The following CTNNA3 variants were observed in gnomAD, a reference collection of about 807,000 sequenced individuals.
The protein encoded by CTNNA3 is catenin alpha 3.
Under a neutral mutation model 95.7 loss-of-function variants are expected in CTNNA3, and 76 were observed. The observed-to-expected ratio is 0.79, with a 90% CI of 0.66 to 0.96. The LOEUF (loss-of-function observed/expected upper bound fraction) is 0.96. Among genes scored for constraint, CTNNA3 ranks in the 40% least tolerant of loss-of-function variants. The pLI, the probability that CTNNA3 is intolerant of heterozygous loss-of-function variation, is 0.00. For missense variants in CTNNA3, 1,191 were observed against 1,089.8 expected (o/e 1.09, Z -1.31); for synonymous variants, 431 against 374.4 (o/e 1.15, Z -1.74).
rs181862637 is a variant in CTNNA3 at position 66,572,009 on chromosome 10, A to C, written c.1374+49683T>G. The stretch of plus-strand genomic sequence containing the variant: ...GTCCATGTTCTTAACCACTATACAT[A>C]TTTGCCTCCAGAGATTCCAAAACTT... On this transcript the variant is annotated intron_variant, in intron 10 of 17. Transcript: ENST00000433211. Among the ~76,000 whole-genome samples the C allele has an allele frequency of 7.7e-3, 1,173 of 152,174 alleles. 22 individuals are homozygous for C. The highest frequency in any genetic ancestry group is 0.027 in the African/African-American group (1,137 of 41,524).
chr10:66,202,402 A>G (rs2131921913), intron 13 of CTNNA3, among the ~76,000 whole-genome samples: 1 of 152,270 alleles, frequency 6.6e-6, no homozygotes, highest in South Asian at 2.1e-4. Context: ...CCAAGGTACA[A>G]CCAATCTGGC....
chr10:66,370,292 A>G (rs1462281055), intron 12 of CTNNA3, among the ~76,000 whole-genome samples: 38 of 152,178 alleles, frequency 2.5e-4, no homozygotes. Context: ...CTGTCTTTGC[A>G]GCTACAGGCT....
At chr10:67,162,380 C>A (rs1428931251) in intron 7 of CTNNA3, among the ~76,000 whole-genome samples, 1 of 148,320 alleles carries the variant, frequency 6.7e-6, no homozygotes, top group Non-Finnish European at 1.5e-5. Context: ...TAGACCATAT[C>A]CTGGGCCATA....
chr10:67,293,106 G>A (rs1031061353), intron 5 of CTNNA3, among the ~76,000 whole-genome samples: 1 of 152,068 alleles, frequency 6.6e-6, no homozygotes, highest in African/African-American at 2.4e-5. Context: ...CTATTTCCTT[G>A]TTAATATCAG....
chr10:67,467,738 G>A (rs990358465), intron 5 of CTNNA3, among the ~76,000 whole-genome samples: 1 of 151,226 alleles, frequency 6.6e-6, no homozygotes, highest in Admixed American at 6.6e-5. Context: ...TTTGAGATGG[G>A]GCCTCACTGT....
At chr10:66,912,248 T>TA (rs1846254367) in intron 7 of CTNNA3, among the ~76,000 whole-genome samples, 1 of 152,116 alleles carries the variant, frequency 6.6e-6, no homozygotes. Context: ...ACCATACACA[T>TA]ATGTATCAAA....
chr10:67,731,260 C>T (rs1189319636), intron 1 of CTNNA3, among the ~76,000 whole-genome samples: 1 of 152,080 alleles, frequency 6.6e-6, no homozygotes, highest in African/African-American at 2.4e-5. Flanking sequence ...GCTCACACCT[C>T]TAATCCCAGC....
chr10:66,546,330 T>G (rs1191262737), intron 10 of CTNNA3, among the ~76,000 whole-genome samples: 1 of 152,176 alleles, frequency 6.6e-6, no homozygotes, highest in Non-Finnish European at 1.5e-5. Context: ...CATCATTTAC[T>G]GAAAAGAATA....
chr10:67,291,194 A>G (rs1332672220), intron 5 of CTNNA3, among the ~76,000 whole-genome samples: 1 of 152,180 alleles, frequency 6.6e-6, no homozygotes, highest in Non-Finnish European at 1.5e-5. Context: ...ATGAAATAAC[A>G]TATGTAAAAG....
chr10:67,750,222 ACT>A (rs1327997714), intron 1 of CTNNA3: 8 of 1,454,856 alleles, frequency 5.5e-6, no homozygotes, highest in Non-Finnish European at 7.7e-6. Context: ...GAAGGAACCA[ACT>A]CTGGACACAG....
chr10:66,763,739 A>G (rs544417131), intron 9 of CTNNA3, among the ~76,000 whole-genome samples: 2 of 152,190 alleles, frequency 1.3e-5, no homozygotes, highest in African/African-American at 4.8e-5. Flanking sequence ...GGGACTTCTC[A>G]TCTCAGAACC....
intron 5 of CTNNA3, among the ~76,000 whole-genome samples, chr10:67,521,299 C>CA (rs1839977439): frequency 6.6e-6 from 1 of 152,126 alleles, no homozygotes; most frequent in African/African-American, 2.4e-5. Context: ...TAGGGGCCTA[C>CA]AAAAGGAGGC....
At chr10:66,897,223 C>T (rs1845533281) in intron 7 of CTNNA3, among the ~76,000 whole-genome samples, 1 of 151,912 alleles carries the variant, frequency 6.6e-6, no homozygotes, top group Non-Finnish European at 1.5e-5. Context: ...ATACAGTATG[C>T]TACCTTTTAT....
chr10:67,748,658 T>C (rs563658233), intron 1 of CTNNA3, among the ~76,000 whole-genome samples: 71 of 152,270 alleles, frequency 4.7e-4, no homozygotes, highest in Non-Finnish European at 8.5e-4. Flanking sequence ...CACACTGAAG[T>C]GCAAAAACCA....
chr10:66,008,541 G>A (rs1023316827), intron 15 of CTNNA3, among the ~76,000 whole-genome samples: 2 of 151,956 alleles, frequency 1.3e-5, no homozygotes, highest in African/African-American at 4.8e-5. Context: ...GTTGCTTTGG[G>A]GCTTCTATTT....
At chr10:67,701,692 C>T (rs1016074475) in intron 1 of CTNNA3, among the ~76,000 whole-genome samples, 4 of 152,160 alleles carry the variant, frequency 2.6e-5, no homozygotes, top group Non-Finnish European at 4.4e-5. Context: ...TAAAGACCAT[C>T]GAGGCTAGGA....
chr10:66,180,514 T>C (rs987389341), intron 13 of CTNNA3, among the ~76,000 whole-genome samples: 5 of 152,094 alleles, frequency 3.3e-5, no homozygotes, highest in African/African-American at 7.2e-5. Flanking sequence ...GCAGAAAATA[T>C]ATATCAGATA....
chr10:67,576,046 A>C (rs1282202775), intron 3 of CTNNA3, among the ~76,000 whole-genome samples: 1 of 152,186 alleles, frequency 6.6e-6, no homozygotes, highest in Non-Finnish European at 1.5e-5. Flanking sequence ...GTGAAAGTAA[A>C]CACTTTAGGA....
chr10:66,939,478 A>T (rs1847886252), intron 7 of CTNNA3, among the ~76,000 whole-genome samples: 1 of 152,220 alleles, frequency 6.6e-6, no homozygotes, highest in South Asian at 2.1e-4. Flanking sequence ...AATTTAATGT[A>T]AAAGGAGGGA....
Sources: gnomAD v4.1 joint callset for allele counts (sites outside exome capture counted in the v4.1 genomes callset) on GRCh38, gnomAD v4.1.1 for gene constraint, MANE v1.5 for transcripts, NCBI Gene and HGNC (gene_info 2026-07-23, HGNC 2026-07-21) for gene names.